Variants in CADPS2 observed in about 807,000 individuals in gnomAD.
CADPS2 encodes the protein calcium-dependent secretion activator 2.
Under a neutral mutation model 172.5 loss-of-function variants are expected in CADPS2, and 93 were observed. That is an observed-to-expected ratio of 0.54 (90% CI 0.46 to 0.64). CADPS2 has a LOEUF of 0.64. CADPS2 is among the 30% of genes least tolerant of loss of function. The pLI is 0.00. For missense variants in CADPS2, 1,420 were observed against 1,565.9 expected, an observed-to-expected ratio of 0.91 and a Z score of 1.57; for synonymous variants, 546 against 555.2, an observed-to-expected ratio of 0.98 and a Z score of 0.23.
At chr7:122,674,585 A>T (rs2082212833) in intron 2 of CADPS2, among the ~76,000 whole-genome samples, 1 of 152,236 alleles carries the variant, frequency 6.6e-6, no homozygotes, top group Non-Finnish European at 1.5e-5. Flanking sequence ...ATATCTGCCA[A>T]AAGTAAGTCT....
chr7:122,436,183 C>T (rs2050620394), intron 17 of CADPS2, among the ~76,000 whole-genome samples: 1 of 151,982 alleles, frequency 6.6e-6, no homozygotes, highest in Admixed American at 6.6e-5. Flanking sequence ...AGGTGATGAA[C>T]AGGTTTATGC....
intron 14 of CADPS2, among the ~76,000 whole-genome samples, chr7:122,463,381 A>G (rs542867671): frequency 1.0e-3 from 158 of 151,694 alleles, no homozygotes; most frequent in African/African-American, 3.7e-3. Context: ...GTGCAATGGC[A>G]TGATCTCGGC....
rs950438041 is a variant in CADPS2 at position 122,403,945 on chromosome 7, A to G, written c.2746+3595T>C. ...AATTACAATATTTTGAATAAGTTAA[A>G]ATATTCATCATCTTACCTAATTGCT... On this transcript the variant is annotated intron_variant, in intron 20 of 29. Coordinates refer to ENST00000449022, the MANE Select transcript of CADPS2 (RefSeq NM_017954.11). 9.8e-5 allele frequency among the ~76,000 whole-genome samples: 15 copies of G among 152,316 alleles called. No individual in the cohort carries two copies. The East Asian group carries it at 2.9e-3, about 29-fold the overall frequency.
At chr7:122,643,288 A>G (rs867581228) in intron 3 of CADPS2, among the ~76,000 whole-genome samples, 14 of 152,284 alleles carry the variant, frequency 9.2e-5, no homozygotes, top group African/African-American at 3.4e-4. Context: ...ATAAGTGTCA[A>G]TCCTCCACCA....
At chr7:122,840,926 G>A (rs1183135896) in intron 1 of CADPS2, among the ~76,000 whole-genome samples, 1 of 151,860 alleles carries the variant, frequency 6.6e-6, no homozygotes, top group Non-Finnish European at 1.5e-5. Context: ...CTAACAACTA[G>A]GTAAAAATTA....
intron 1 of CADPS2, among the ~76,000 whole-genome samples, chr7:122,767,368 C>T (rs2093585905): frequency 6.6e-6 from 1 of 152,118 alleles, no homozygotes; most frequent in African/African-American, 2.4e-5. Context: ...AGTGATAGAG[C>T]TGGGATTCAA....
At chr7:122,793,572 T>C (rs1795738037) in intron 1 of CADPS2, among the ~76,000 whole-genome samples, 1 of 152,144 alleles carries the variant, frequency 6.6e-6, no homozygotes, top group Non-Finnish European at 1.5e-5. Context: ...GGGTCTTGCT[T>C]TTTTATCCAG....
intron 3 of CADPS2, among the ~76,000 whole-genome samples, chr7:122,642,675 T>G (rs1257709152): frequency 1.3e-5 from 2 of 152,276 alleles, no homozygotes; most frequent in South Asian, 4.1e-4. Flanking sequence ...AAAAATGCTT[T>G]TCACAGTACT....
intron 4 of CADPS2, among the ~76,000 whole-genome samples, chr7:122,627,939 C>G (rs531166253): frequency 2.6e-5 from 4 of 152,276 alleles, no homozygotes; most frequent in South Asian, 4.1e-4. Flanking sequence ...ACATTCAAAT[C>G]TCTAGAATGA....
At chr7:122,556,676 T>C (rs1467974802) in intron 7 of CADPS2, among the ~76,000 whole-genome samples, 1 of 152,138 alleles carries the variant, frequency 6.6e-6, no homozygotes, top group African/African-American at 2.4e-5. Context: ...CATTTTATTT[T>C]TTGATGGGTA....
intron 1 of CADPS2, among the ~76,000 whole-genome samples, chr7:122,748,334 AGAT>A (rs1245530124): frequency 6.6e-6 from 1 of 152,180 alleles, no homozygotes; most frequent in Non-Finnish European, 1.5e-5. Context: ...TCTGTTTTGC[AGAT>A]GATATCACTC....
intron 1 of CADPS2, among the ~76,000 whole-genome samples, chr7:122,821,128 C>T (rs898995115): frequency 5.3e-5 from 8 of 151,948 alleles, no homozygotes; most frequent in African/African-American, 1.9e-4. Context: ...TTCCTGATAC[C>T]ACACCTGACC....
intron 1 of CADPS2, among the ~76,000 whole-genome samples, chr7:122,854,992 A>G (rs1448631692): frequency 6.6e-6 from 1 of 152,242 alleles, no homozygotes; most frequent in Non-Finnish European, 1.5e-5. Flanking sequence ...CCATACAAAT[A>G]TAACCCATAA....
At chr7:122,413,444 T>C (rs1464055647) in intron 19 of CADPS2, among the ~76,000 whole-genome samples, 1 of 152,180 alleles carries the variant, frequency 6.6e-6, no homozygotes, top group Admixed American at 6.5e-5. Flanking sequence ...CTGAAGGACA[T>C]GAAACCTGCT....
At position 122,619,434 on chromosome 7, in the gene CADPS2, G is replaced by A. The variant is rs543662455; in HGVS notation, c.1104+2047C>T. On this transcript the variant is annotated intron_variant, in intron 5 of 29. Transcript: ENST00000449022. ...TTGAGACCAACCTGGACAACATGGC[G>A]AAACCCCATCTTTACTAAAAAATAC... 8.0e-5 allele frequency among the ~76,000 whole-genome samples: 11 copies of A among 137,408 alleles called. No individual in the cohort carries two copies. The South Asian group carries it at 1.2e-3, about 14-fold the overall frequency. The allele number at this position is 137,408 out of a possible 152,430, so 90.1% of individuals were successfully genotyped here. A position where few individuals can be genotyped will look rare whatever the true frequency, so the allele number is the denominator to read the frequency against.
intron 3 of CADPS2, among the ~76,000 whole-genome samples, chr7:122,637,169 T>C (rs1430574858): frequency 8.0e-6 from 1 of 124,746 alleles, no homozygotes; most frequent in Non-Finnish European, 1.7e-5. Flanking sequence ...TATGAAATTT[T>C]GCTTTTTTTT....
intron 8 of CADPS2, among the ~76,000 whole-genome samples, chr7:122,514,584 ATCT>A (rs1266562666): frequency 6.6e-6 from 1 of 152,096 alleles, no homozygotes; most frequent in Non-Finnish European, 1.5e-5. Flanking sequence ...TTGGGAGATG[ATCT>A]TCTTGTAGGA....
intron 15 of CADPS2, among the ~76,000 whole-genome samples, chr7:122,443,758 C>G (rs1472890972): frequency 1.7e-5 from 2 of 120,478 alleles, no homozygotes; most frequent in East Asian, 2.6e-4. Context: ...TTAGCTGATT[C>G]TTTTGGTATT....
intron 1 of CADPS2, among the ~76,000 whole-genome samples, chr7:122,831,125 A>C (rs926208023): frequency 9.9e-5 from 15 of 152,182 alleles, no homozygotes; most frequent in Non-Finnish European, 2.1e-4. Context: ...AATGACCTAC[A>C]AGAAAGTCAG....
Sources: allele counts gnomAD v4.1 joint callset (sites outside exome capture counted in the v4.1 genomes callset), GRCh38; gene constraint gnomAD v4.1.1; transcripts MANE v1.5; gene names NCBI Gene and HGNC (gene_info 2026-07-23, HGNC 2026-07-21).